CDH11: variants seen among roughly 807,000 people sequenced by gnomAD.
CDH11 encodes cadherin-11.
A neutral mutation model predicts 67.8 loss-of-function variants in CDH11; 11 were observed. The ratio of observed to expected loss-of-function variants is 0.16; its 90% CI spans 0.10 to 0.27. The LOEUF is 0.27. Ranked by LOEUF, CDH11 falls within the 10% of genes least tolerant of loss-of-function variation. The pLI is 1.00. For missense variants in CDH11, 847 were observed against 1,031.2 expected (o/e 0.82, Z 2.45); for synonymous variants, 419 against 400.0 (o/e 1.05, Z -0.57).
intron 2 of CDH11, among the ~76,000 whole-genome samples, chr16:65,049,278 C>T (rs1479618233): frequency 6.6e-6 from 1 of 152,166 alleles, no homozygotes; most frequent in Non-Finnish European, 1.5e-5. Context: ...AACTCCCTCC[C>T]ATCCCAGCTT....
chr16:65,103,938 C>G (rs2142864593), intron 1 of CDH11, among the ~76,000 whole-genome samples: 1 of 152,122 alleles, frequency 6.6e-6, no homozygotes, highest in East Asian at 1.9e-4. Context: ...TAAATATTCC[C>G]TATTTCCCTT....
intron 1 of CDH11, among the ~76,000 whole-genome samples, chr16:65,087,191 A>G (rs752745198): frequency 2.0e-5 from 3 of 152,222 alleles, no homozygotes; most frequent in African/African-American, 7.2e-5. Context: ...CAACAATGAC[A>G]GCAGCAGAGC....
At chr16:65,052,482 G>A (rs990596968) in intron 2 of CDH11, among the ~76,000 whole-genome samples, 1 of 152,254 alleles carries the variant, frequency 6.6e-6, no homozygotes, top group East Asian at 1.9e-4. Context: ...GGCTTTGGGG[G>A]AAATAATGGC....
chr16:65,056,784 C>T (rs909080401), intron 1 of CDH11, among the ~76,000 whole-genome samples: 4 of 152,064 alleles, frequency 2.6e-5, no homozygotes, highest in Non-Finnish European at 4.4e-5. Flanking sequence ...CTGGGGCCAG[C>T]GTGTTTAAAA....
At chr16:65,105,618 C>G (rs1405807546) in intron 1 of CDH11, among the ~76,000 whole-genome samples, 1 of 152,162 alleles carries the variant, frequency 6.6e-6, no homozygotes, top group Non-Finnish European at 1.5e-5. Context: ...TTATAGTAAA[C>G]CCAAATGAGC....
intron 2 of CDH11, among the ~76,000 whole-genome samples, chr16:65,013,435 T>C (rs2073223595): frequency 6.6e-6 from 1 of 152,010 alleles, no homozygotes; most frequent in Non-Finnish European, 1.5e-5. Flanking sequence ...GGCTCAGGAA[T>C]CAGAAGGAGT....
chr16:64,954,826 C>T (rs1297832822), intron 11 of CDH11, among the ~76,000 whole-genome samples: 1 of 151,964 alleles, frequency 6.6e-6, no homozygotes, highest in Non-Finnish European at 1.5e-5. Context: ...TCACTATGGC[C>T]TGGCATGGTG....
chr16:65,083,109 G>C (rs1410653236), intron 1 of CDH11, among the ~76,000 whole-genome samples: 2 of 152,154 alleles, frequency 1.3e-5, no homozygotes, highest in Non-Finnish European at 1.5e-5. Flanking sequence ...TGAGAGAAAT[G>C]ACTTTTTTTC....
chr16:65,090,715 G>A (rs1162643328), intron 1 of CDH11, among the ~76,000 whole-genome samples: 1 of 152,162 alleles, frequency 6.6e-6, no homozygotes, highest in Non-Finnish European at 1.5e-5. Flanking sequence ...GAAAAATGTA[G>A]ATAGTAGAAA....
rs74595830 is a variant in CDH11 at position 65,098,540 on chromosome 16, G to A, written c.-298+23340C>T. Among the ~76,000 whole-genome samples the A allele has an allele frequency of 4.8e-4, 73 of 151,916 alleles. No individual in the cohort carries two copies. The East Asian group carries it at 0.011, about 23-fold the overall frequency. ...AGTGTGTGTGTGTGTGTGTGTGTGC[G>A]TGTGTTTTAGAGACAGGGTCTCACT... On this transcript the variant is annotated intron_variant, in intron 1 of 12. Coordinates refer to ENST00000268603, the MANE Select transcript of CDH11 (RefSeq NM_001797.4).
At chr16:64,956,308 G>T (rs2071509521) in intron 11 of CDH11, among the ~76,000 whole-genome samples, 1 of 152,148 alleles carries the variant, frequency 6.6e-6, no homozygotes. Context: ...CCAGCCTGTT[G>T]GCGATGCTCA....
chr16:65,028,326 C>T (rs1029549687), intron 2 of CDH11, among the ~76,000 whole-genome samples: 2 of 152,008 alleles, frequency 1.3e-5, no homozygotes, highest in African/African-American at 4.8e-5. Flanking sequence ...TGGGTCCTGT[C>T]GGGGCAGAGG....
At chr16:65,086,495 A>C (rs2074701698) in intron 1 of CDH11, among the ~76,000 whole-genome samples, 1 of 152,226 alleles carries the variant, frequency 6.6e-6, no homozygotes, top group Non-Finnish European at 1.5e-5. Flanking sequence ...TGATGTTAGA[A>C]TGTTTATTCA....
At chr16:65,080,697 C>T (rs948795715) in intron 1 of CDH11, among the ~76,000 whole-genome samples, 1 of 152,170 alleles carries the variant, frequency 6.6e-6, no homozygotes, top group African/African-American at 2.4e-5. Flanking sequence ...AATTCATTTG[C>T]AAGAGCTCTG....
At chr16:64,966,995 A>T (rs184333757) in intron 11 of CDH11, among the ~76,000 whole-genome samples, 67 of 152,318 alleles carry the variant, frequency 4.4e-4, no homozygotes, top group Admixed American at 2.2e-3. Flanking sequence ...TATTAAAAAC[A>T]CCTGGCTTTA....
intron 1 of CDH11, among the ~76,000 whole-genome samples, chr16:65,102,892 G>A (rs1361942571): frequency 6.6e-6 from 1 of 152,180 alleles, no homozygotes; most frequent in East Asian, 1.9e-4. Flanking sequence ...AAAGTGTGGG[G>A]ACTGAGATGC....
intron 1 of CDH11, among the ~76,000 whole-genome samples, chr16:65,088,689 A>G (rs1199690757): frequency 6.6e-6 from 1 of 152,088 alleles, no homozygotes; most frequent in Non-Finnish European, 1.5e-5. Context: ...ATTAAGGTAA[A>G]ATTTACGTAC....
intron 2 of CDH11, among the ~76,000 whole-genome samples, chr16:65,047,571 C>T (rs778362945): frequency 7.2e-5 from 11 of 152,056 alleles, no homozygotes; most frequent in African/African-American, 9.6e-5. Context: ...AGGATGGTCT[C>T]GATCTCTTGA....
chr16:65,037,728 C>CCGAGAAGA (rs1170198875), intron 2 of CDH11, among the ~76,000 whole-genome samples: 2 of 152,176 alleles, frequency 1.3e-5, no homozygotes, highest in African/African-American at 2.4e-5. Context: ...TTCCACTTCC[C>CCGAGAAGA]CGAGAAGACG....
Sources: allele counts gnomAD v4.1 joint callset (sites outside exome capture counted in the v4.1 genomes callset), GRCh38; gene constraint gnomAD v4.1.1; transcripts MANE v1.5; gene names NCBI Gene and HGNC (gene_info 2026-07-23, HGNC 2026-07-21).